The following UBE2H variants were observed in gnomAD, a reference collection of about 807,000 sequenced individuals.
The protein encoded by UBE2H is ubiquitin conjugating enzyme E2 H.
In UBE2H, 3 loss-of-function variants were observed where a neutral mutation model predicts 29.0. The ratio of observed to expected loss-of-function variants is 0.10; its 90% CI spans 0.05 to 0.27. The LOEUF (loss-of-function observed/expected upper bound fraction) is 0.27. UBE2H is among the 10% of genes least tolerant of loss of function. The pLI is 1.00. For missense variants in UBE2H, 68 were observed against 228.2 expected (o/e 0.30, Z 4.52); for synonymous variants, 69 against 82.9 (o/e 0.83, Z 0.91).
At chr7:129,873,020 GTTTT>G (rs10677960) in intron 3 of UBE2H, among the ~76,000 whole-genome samples, 1 of 139,708 alleles carries the variant, frequency 7.2e-6, no homozygotes, top group Non-Finnish European at 1.6e-5. Context: ...ATAGCTCAGA[GTTTT>G]TTTTTTTTTT....
chr7:129,919,384 T>G (rs1484486611), intron 1 of UBE2H, among the ~76,000 whole-genome samples: 1 of 152,138 alleles, frequency 6.6e-6, no homozygotes, highest in Non-Finnish European at 1.5e-5. Context: ...ACTTAAAACC[T>G]TCAATGAGTC....
chr7:129,942,212 C>CA (rs966117564), intron 1 of UBE2H, among the ~76,000 whole-genome samples: 3,413 of 33,280 alleles, frequency 0.1, 101 homozygotes, highest in African/African-American at 0.16. Context: ...GACTCGGTCT[C>CA]AAAAAAAAAA....
intron 1 of UBE2H, 145 bp from the exon 2 acceptor site, chr7:129,881,116 G>A (rs1469717281): frequency 5.0e-6 from 3 of 604,012 alleles, no homozygotes; most frequent in Non-Finnish European, 8.4e-6. Context: ...GGTAGTTTAG[G>A]AGGAGGCAAT....
At chr7:129,934,278 C>G (rs1807469873) in intron 1 of UBE2H, among the ~76,000 whole-genome samples, 1 of 150,560 alleles carries the variant, frequency 6.6e-6, no homozygotes, top group Admixed American at 6.6e-5. Context: ...GCCGAGAAAG[C>G]ACCACTGCAC....
chr7:129,847,817 G>A (rs1406373194), intron 5 of UBE2H, among the ~76,000 whole-genome samples: 1 of 152,226 alleles, frequency 6.6e-6, no homozygotes, highest in South Asian at 2.1e-4. Context: ...AAGGGAGTAG[G>A]TTGACTCTAA....
At chr7:129,891,659 G>A (rs1026486939) in intron 1 of UBE2H, among the ~76,000 whole-genome samples, 2 of 152,030 alleles carry the variant, frequency 1.3e-5, no homozygotes, top group Non-Finnish European at 2.9e-5. Context: ...AACATTAGCT[G>A]GGCATGGTGG....
intron 1 of UBE2H, 151 bp downstream of exon 1, chr7:129,952,352 G>A: frequency 1.1e-6 from 1 of 901,468 alleles, no homozygotes; most frequent in Non-Finnish European, 1.6e-6. Flanking sequence ...CCTGGGAGGT[G>A]CCAAGGAGCC....
At chr7:129,886,062 C>T (rs556307410) in intron 1 of UBE2H, among the ~76,000 whole-genome samples, 49 of 152,278 alleles carry the variant, frequency 3.2e-4, no homozygotes, top group African/African-American at 1.0e-3. Context: ...CTAGAAGATT[C>T]CTCATTACTT....
chr7:129,919,100 T>TA (rs1204331286), intron 1 of UBE2H, among the ~76,000 whole-genome samples: 28,326 of 72,226 alleles, frequency 0.39, 5,064 homozygotes, highest in Middle Eastern at 0.52. Context: ...AAAAACAAAG[T>TA]AAAAAAAAAA....
intron 1 of UBE2H, among the ~76,000 whole-genome samples, chr7:129,913,662 G>T (rs544023703): frequency 6.6e-6 from 1 of 152,124 alleles, no homozygotes; most frequent in Non-Finnish European, 1.5e-5. Flanking sequence ...CCTTTAACTG[G>T]GTGCAGTGGC....
At chr7:129,907,211 T>TAAG (rs1806836235) in intron 1 of UBE2H, among the ~76,000 whole-genome samples, 2 of 151,990 alleles carry the variant, frequency 1.3e-5, no homozygotes, top group Admixed American at 1.3e-4. Flanking sequence ...CTTTGTTGGG[T>TAAG]AAGATCAAAT....
chr7:129,895,707 T>C (rs1439912366), intron 1 of UBE2H, among the ~76,000 whole-genome samples: 2 of 152,074 alleles, frequency 1.3e-5, no homozygotes, highest in Non-Finnish European at 2.9e-5. Context: ...GAGACCATCC[T>C]GGCTAACACA....
At chr7:129,884,237 G>A (rs1464736931) in intron 1 of UBE2H, among the ~76,000 whole-genome samples, 1 of 152,012 alleles carries the variant, frequency 6.6e-6, no homozygotes, top group Admixed American at 6.5e-5. Flanking sequence ...TTAACACGGT[G>A]AAACCCCGTC....
chr7:129,860,837 T>C (rs969735845), intron 3 of UBE2H, among the ~76,000 whole-genome samples: 12 of 152,076 alleles, frequency 7.9e-5, no homozygotes, highest in Middle Eastern at 3.2e-3. Flanking sequence ...AACCAACATA[T>C]ACCAAATTTG....
At chr7:129,946,436 C>A (rs527279640) in intron 1 of UBE2H, among the ~76,000 whole-genome samples, 1 of 152,148 alleles carries the variant, frequency 6.6e-6, no homozygotes, top group Admixed American at 6.5e-5. Flanking sequence ...ACAGTATGAT[C>A]AACAGGTTGA....
chr7:129,836,843 G>A (rs1268958352), intron 6 of UBE2H, among the ~76,000 whole-genome samples: 1 of 127,128 alleles, frequency 7.9e-6, no homozygotes. Context: ...TCGCACCACT[G>A]CACTCCAGCC....
intron 1 of UBE2H, among the ~76,000 whole-genome samples, chr7:129,904,155 T>G (rs1279314009): frequency 6.6e-6 from 1 of 152,216 alleles, no homozygotes; most frequent in Non-Finnish European, 1.5e-5. Context: ...TACACTGGTC[T>G]TCTTTCATTT....
At position 129,952,772 on chromosome 7, in the gene UBE2H, G is replaced by C. The variant is rs2116549036; in HGVS notation, c.-217C>G. The C allele has an allele frequency of 2.8e-6, 1 of 361,618 alleles. No homozygotes were observed. The highest frequency in any genetic ancestry group is 1.2e-4 in the South Asian group (1 of 8,030). 22.4% of individuals were successfully genotyped at this position (361,618 alleles called of 1,614,324 possible). A position where few individuals can be genotyped will look rare whatever the true frequency, so the allele number is the denominator to read the frequency against. ...TGGGGACCCTGCGGCGCCCGGCTCG[G>C]GCTGCCCCTCTCCGGCTGTGGTTCC... On this transcript the variant is annotated 5_prime_UTR_variant, in exon 1 of 7. Coordinates refer to ENST00000355621, the MANE Select transcript of UBE2H (RefSeq NM_003344.4).
intron 5 of UBE2H, among the ~76,000 whole-genome samples, chr7:129,849,446 T>C (rs1805569985): frequency 6.6e-6 from 1 of 151,914 alleles, no homozygotes; most frequent in Non-Finnish European, 1.5e-5. Context: ...GGTTTGGTGG[T>C]GGGCGCCGGT....
Sources: allele counts gnomAD v4.1 joint callset (sites outside exome capture counted in the v4.1 genomes callset), GRCh38; gene constraint gnomAD v4.1.1; transcripts MANE v1.5; gene names NCBI Gene and HGNC (gene_info 2026-07-23, HGNC 2026-07-21).